Variants in TXNRD3 observed in about 807,000 individuals in gnomAD.
TXNRD3 encodes TXNRD3 neighbor gene protein.
In TXNRD3, 68 loss-of-function variants were observed where a neutral mutation model predicts 78.2. The observed-to-expected ratio is 0.87, with a 90% CI of 0.72 to 1.06. The LOEUF is 1.06. Among genes scored for constraint, TXNRD3 ranks in the 50% least tolerant of loss-of-function variants. The pLI is 0.00. For synonymous variants in TXNRD3, 296 were observed against 300.1 expected, an observed-to-expected ratio of 0.99 and a Z score of 0.14; for missense variants, 751 against 809.5, an observed-to-expected ratio of 0.93 and a Z score of 0.88.
chr3:126,619,875 A>T (rs1255886735), intron 12 of TXNRD3, among the ~76,000 whole-genome samples: 1 of 152,238 alleles, frequency 6.6e-6, no homozygotes, highest in Non-Finnish European at 1.5e-5. Context: ...AAAGGAAAAA[A>T]GTCACTGTCA....
chr3:126,646,215 C>T lies in TXNRD3; in HGVS notation c.310G>A (p.Gly104Arg), dbSNP rs772181538. ...GACAGCACTTCTTGAACCCTGGCCCCATCATCTAAAGAAGAAAAAAACTAT... is the reference window on the plus strand; with the variant it reads ...GACAGCACTTCTTGAACCCTGGCCCTATCATCTAAAGAAGAAAAAAACTAT... Residue 104 changes from glycine to arginine, a missense_variant, in exon 3 of 16, where the codon GGG (glycine) becomes AGG (arginine). Coordinates refer to ENST00000524230, the MANE Select transcript of TXNRD3 (RefSeq NM_052883.3). 1 of 1,512,918 alleles carries T rather than the reference C, an allele frequency of 6.6e-7. No homozygotes were observed. Among genetic ancestry groups the T allele is most frequent in the South Asian group, 1.3e-5 (1 of 78,534 alleles). The allele number at this position is 1,512,918 out of a possible 1,614,324, so 93.7% of individuals were successfully genotyped here.
At chr3:126,641,956 T>C (rs919007897) in intron 6 of TXNRD3, 76 bp downstream of exon 6, 1 of 1,409,106 alleles carries the variant, frequency 7.1e-7, no homozygotes, top group African/African-American at 1.5e-5. Context: ...ACTATAAAAA[T>C]ATGAATACCA....
chr3:126,646,002 T>C, intron 3 of TXNRD3, 109 bp downstream of exon 3: 3 of 795,346 alleles, frequency 3.8e-6, no homozygotes, highest in Non-Finnish European at 5.7e-6. Flanking sequence ...TGCTTCATTT[T>C]ATAACTTCCA....
chr3:126,635,039 A>T (rs1317529558), intron 6 of TXNRD3, among the ~76,000 whole-genome samples: 3 of 152,012 alleles, frequency 2.0e-5, no homozygotes, highest in African/African-American at 7.3e-5. Flanking sequence ...TTCTTACTAC[A>T]TTACCTCATC....
At chr3:126,644,888 A>G (rs776323193) in intron 3 of TXNRD3, among the ~76,000 whole-genome samples, 1 of 152,154 alleles carries the variant, frequency 6.6e-6, no homozygotes, top group African/African-American at 2.4e-5. Flanking sequence ...TACAACACCA[A>G]CATCTCCCAT....
chr3:126,612,392 C>T (rs1409244244), intron 13 of TXNRD3, among the ~76,000 whole-genome samples: 3 of 152,120 alleles, frequency 2.0e-5, no homozygotes, highest in South Asian at 2.1e-4. Flanking sequence ...TAGAAATAGA[C>T]ATATTTCTTT....
chr3:126,637,030 C>T (rs1932922027), intron 6 of TXNRD3, among the ~76,000 whole-genome samples: 1 of 151,854 alleles, frequency 6.6e-6, no homozygotes, highest in African/African-American at 2.4e-5. Flanking sequence ...GATTGGACAC[C>T]CCTGGTTTAA....
Position 126,607,716 on chromosome 3 carries a change from A to G in TXNRD3, c.*189T>C, listed in dbSNP as rs1938081205. 31 of 382,760 alleles carry G rather than the reference A, an allele frequency of 8.1e-5. No homozygotes were observed. In the East Asian group the frequency reaches 1.1e-3, roughly 14 times the overall value. 23.7% of individuals were successfully genotyped at this position (382,760 alleles called of 1,614,324 possible). A position where few individuals can be genotyped will look rare whatever the true frequency, so the allele number is the denominator to read the frequency against. On this transcript the variant is annotated 3_prime_UTR_variant, in exon 16 of 16. Transcript: ENST00000524230. ...CCCACTGCTTCTCGCTGTCAGCAAG[A>G]CCACAAGGCAGATGCCCACTGCTGT...
intron 6 of TXNRD3, among the ~76,000 whole-genome samples, chr3:126,635,921 A>G (rs907277877): frequency 6.6e-6 from 1 of 152,134 alleles, no homozygotes; most frequent in Non-Finnish European, 1.5e-5. Context: ...ACACACATAT[A>G]TACAAACACA....
intron 11 of TXNRD3, among the ~76,000 whole-genome samples, 170 bp from the exon 12 acceptor site, chr3:126,622,068 G>A (rs1453129154): frequency 6.6e-6 from 1 of 152,176 alleles, no homozygotes; most frequent in Non-Finnish European, 1.5e-5. Flanking sequence ...AAGGGTTTCT[G>A]TAGCTCCAAA....
chr3:126,623,610 A>G (rs540533135), intron 10 of TXNRD3, among the ~76,000 whole-genome samples: 2 of 152,214 alleles, frequency 1.3e-5, no homozygotes, highest in Non-Finnish European at 2.9e-5. Context: ...AACCATCTCA[A>G]TAGATGCAAT....
intron 3 of TXNRD3, 45 bp from the exon 4 acceptor site, chr3:126,644,446 T>A (rs542873859): frequency 6.7e-6 from 9 of 1,338,472 alleles, no homozygotes; most frequent in Non-Finnish European, 9.2e-6. Flanking sequence ...AATTTAAAGT[T>A]TTACAGCTAT....
chr3:126,647,547 T>C (rs1288608913), intron 1 of TXNRD3, among the ~76,000 whole-genome samples: 1 of 152,184 alleles, frequency 6.6e-6, no homozygotes, highest in Non-Finnish European at 1.5e-5. Flanking sequence ...GGCCCAAATC[T>C]CTTTTCTGAA....
chr3:126,650,646 A>G (rs2107630375), intron 1 of TXNRD3, among the ~76,000 whole-genome samples: 1 of 152,158 alleles, frequency 6.6e-6, no homozygotes, highest in East Asian at 1.9e-4. Context: ...ATCTCAGAAA[A>G]AAAAAAAAGA....
chr3:126,616,947 A>C (rs1026122237), intron 12 of TXNRD3, among the ~76,000 whole-genome samples: 11 of 152,138 alleles, frequency 7.2e-5, no homozygotes, highest in Admixed American at 3.3e-4. Flanking sequence ...AAATCACATA[A>C]CTATGTGAAC....
At chr3:126,642,639 T>C (rs1559778819) in intron 5 of TXNRD3, among the ~76,000 whole-genome samples, 3 of 152,214 alleles carry the variant, frequency 2.0e-5, no homozygotes, top group Non-Finnish European at 4.4e-5. Context: ...CTGCAGGTGT[T>C]CTGGTATCCC....
chr3:126,651,704 G>A (rs1654701519), intron 1 of TXNRD3, among the ~76,000 whole-genome samples: 1 of 152,156 alleles, frequency 6.6e-6, no homozygotes, highest in Non-Finnish European at 1.5e-5. Flanking sequence ...CCTGATCAAT[G>A]ATGAGTGAGC....
chr3:126,620,982 T>C (rs1202678305), intron 12 of TXNRD3, among the ~76,000 whole-genome samples: 1 of 152,106 alleles, frequency 6.6e-6, no homozygotes, highest in Non-Finnish European at 1.5e-5. Context: ...ACAGAGCTCC[T>C]AACAGAGCTG....
intron 1 of TXNRD3, among the ~76,000 whole-genome samples, chr3:126,650,568 G>A (rs1933364155): frequency 6.6e-6 from 1 of 151,890 alleles, no homozygotes; most frequent in Admixed American, 6.6e-5. Context: ...TTGAGACTGG[G>A]AGGCAGAAGT....
Sources: gnomAD v4.1 joint callset for allele counts (sites outside exome capture counted in the v4.1 genomes callset) on GRCh38, gnomAD v4.1.1 for gene constraint, MANE v1.5 for transcripts, NCBI Gene and HGNC (gene_info 2026-07-23, HGNC 2026-07-21) for gene names.